The following LRRC46 variants were observed in gnomAD, a reference collection of about 807,000 sequenced individuals.
LRRC46 encodes leucine-rich repeat-containing protein 46.
Under a neutral mutation model 28.0 loss-of-function variants are expected in LRRC46, and 20 were observed. The ratio of observed to expected loss-of-function variants is 0.71; its 90% CI spans 0.50 to 1.04. LRRC46 has a LOEUF of 1.04. Ranked by LOEUF, LRRC46 falls within the 50% of genes least tolerant of loss-of-function variation. LRRC46 has a pLI of 0.00. For synonymous variants in LRRC46, 156 were observed against 158.8 expected (o/e 0.98, Z 0.13); for missense variants, 315 against 390.1 (o/e 0.81, Z 1.62).
chr17:47,837,455 C>A lies in LRRC46; in HGVS notation c.*335C>A, dbSNP rs2143614754. 2.4e-6 allele frequency: 1 copy of A among 410,076 alleles called. No homozygotes were observed. The highest frequency in any genetic ancestry group is 2.9e-5 in the South Asian group (1 of 34,930). The allele number at this position is 410,076 out of a possible 1,614,324, so 25.4% of individuals were successfully genotyped here. A position where few individuals can be genotyped will look rare whatever the true frequency, so the allele number is the denominator to read the frequency against. ...ATGGAAGAGGCATGCCATCTCACTG[C>A]CACCCCTAGCGAGTGCCCTTCCCCG... On this transcript the variant is annotated 3_prime_UTR_variant, in exon 8 of 8. Coordinates refer to ENST00000269025, the MANE Select transcript of LRRC46 (RefSeq NM_033413.4).
intron 4 of LRRC46, 117 bp from the exon 5 acceptor site, chr17:47,835,549 T>A (rs2033684092): frequency 7.5e-7 from 1 of 1,341,524 alleles, no homozygotes; most frequent in South Asian, 1.2e-5. Context: ...GAAGGCCATG[T>A]GTCCCCACTG....
rs747873738 is a variant in LRRC46 at position 47,835,783 on chromosome 17, C to T, written c.382+8C>T. 9.3e-6 allele frequency: 15 copies of T among 1,609,926 alleles called. No homozygotes were observed. Among genetic ancestry groups the T allele is most frequent in the Non-Finnish European group, 9.4e-6 (11 of 1,176,256 alleles). On this transcript the variant is annotated splice_region_variant and intron_variant, in intron 5 of 7. Coordinates refer to ENST00000269025, the MANE Select transcript of LRRC46 (RefSeq NM_033413.4). ...TAGAAACATTGAAGCTGGGTAGGAA[C>T]CCACTCGCCCTGGCTCACCAAACAC... is the stretch of plus-strand genomic sequence containing the variant.
chr17:47,836,815 A>T lies in LRRC46; in HGVS notation c.661A>T (p.Thr221Ser). The change falls in exon 8 of 8, where the codon ACA (threonine) becomes TCA (serine). Residue 221 changes from threonine to serine, a missense_variant. Transcript: ENST00000269025. The surrounding 1 kb of genome is among the most constrained non-coding windows in gnomAD (Gnocchi z 5.8). ...HREHRQQTAL[T>S]EHLLRMEMQP... ...GGAGCACCGGCAACAGACGGCCCTG[A>T]CAGAGCACCTGCTGAGGATGGAGAT... 1 of 1,613,930 alleles carries T rather than the reference A, an allele frequency of 6.2e-7. No homozygotes were observed. Among genetic ancestry groups the T allele is most frequent in the South Asian group, 1.1e-5 (1 of 91,066 alleles).
Position 47,834,411 on chromosome 17 carries a change from G to T in LRRC46, c.117-14G>T. ...GTGGTGCTCTAACACCACCCTTACT[G>T]ACTCTTTTCCCAGGTTTCACACTCT... On this transcript the variant is annotated splice_polypyrimidine_tract_variant and intron_variant, in intron 2 of 7. Coordinates refer to ENST00000269025, the MANE Select transcript of LRRC46 (RefSeq NM_033413.4). The T allele has an allele frequency of 1.9e-6, 3 of 1,590,730 alleles. No homozygotes were observed. Among genetic ancestry groups the T allele is most frequent in the South Asian group, 1.1e-5 (1 of 89,968 alleles).
chr17:47,836,194 G>C lies in LRRC46; in HGVS notation c.452+92G>C. ...TCTCAGCCTGCAAACCTGGGGTCCT[G>C]TCCATGACACCTTCTCCCCCACCTC... On this transcript the variant is annotated intron_variant, in intron 6 of 7. Transcript: ENST00000269025. The surrounding 1 kb of genome is among the most constrained non-coding windows in gnomAD (Gnocchi z 5.8). The C allele has an allele frequency of 1.9e-6, 3 of 1,576,370 alleles. No individual in the cohort carries two copies. Among genetic ancestry groups the C allele is most frequent in the Non-Finnish European group, 2.6e-6 (3 of 1,147,478 alleles).
Position 47,836,866 on chromosome 17 carries a change from C to T in LRRC46, c.712C>T (p.Leu238=). 3.7e-6 allele frequency: 6 copies of T among 1,613,986 alleles called. No homozygotes were observed. Among genetic ancestry groups the T allele is most frequent in the Non-Finnish European group, 5.1e-6 (6 of 1,180,002 alleles). ...GCAGCCCACCCTCACCGACCTGCCC[C>T]TGCTACCTGGGGTGCCCATGGCTGG... The part of the protein sequence containing the change: ...EMQPTLTDLP[L]LPGVPMAGDS... The change falls in exon 8 of 8, where the codon CTG becomes TTG. Residue 238 remains leucine, a synonymous_variant. Transcript: ENST00000269025. This position sits in a 1 kb window ranked among gnomAD's most constrained non-coding sequence, Gnocchi z 5.8.
rs2033637499 is a variant in LRRC46, at chr17:47,831,857, C to T, written c.-133C>T. The stretch of plus-strand genomic sequence containing the variant: ...CCAGCAATTTTCTCTGAATCAACCC[C>T]CTTTCCTCCTCTCCTAAGTCTCTGA... On this transcript the variant is annotated 5_prime_UTR_variant, in exon 1 of 8. Coordinates refer to ENST00000269025, the MANE Select transcript of LRRC46 (RefSeq NM_033413.4). 2.5e-6 allele frequency: 3 copies of T among 1,185,782 alleles called. No homozygotes were observed. Among genetic ancestry groups the T allele is most frequent in the African/African-American group, 1.5e-5 (1 of 65,428 alleles). The allele number at this position is 1,185,782 out of a possible 1,614,324, so 73.5% of individuals were successfully genotyped here. A position where few individuals can be genotyped will look rare whatever the true frequency, so the allele number is the denominator to read the frequency against.
intron 2 of LRRC46, 93 bp downstream of exon 2, chr17:47,832,298 G>C: frequency 1.1e-6 from 1 of 871,304 alleles, no homozygotes; most frequent in Admixed American, 2.9e-5. Flanking sequence ...ACTGATCTTT[G>C]TTTCTCTCCT....
chr17:47,835,811 C>G (rs2033687618), intron 5 of LRRC46, 36 bp downstream of exon 5: 2 of 1,564,574 alleles, frequency 1.3e-6, no homozygotes, highest in Non-Finnish European at 8.8e-7. Flanking sequence ...CCAAACACAT[C>G]CCCTGTGGGG....
rs747588861 is a variant in LRRC46 at position 47,832,164 on chromosome 17, G to A, written c.75G>A (p.Arg25=). ...TCACTGAAGCCCTTATCACTAAGCGGAACTTGACTTTCCCTGAAGATGGGG... is the reference window on the plus strand; with the variant it reads ...TCACTGAAGCCCTTATCACTAAGCGAAACTTGACTTTCCCTGAAGATGGGG... The part of the protein sequence containing the change: ...VCITEALITK[R]NLTFPEDGEL... Residue 25 remains arginine (R), a synonymous_variant, in exon 2 of 8, where the codon CGG becomes CGA. Coordinates refer to ENST00000269025, the MANE Select transcript of LRRC46 (RefSeq NM_033413.4). 10 of 1,602,978 alleles carry A rather than the reference G, an allele frequency of 6.2e-6. No homozygotes were observed. In the East Asian group the frequency reaches 1.3e-4, roughly 22 times the overall value.
In LRRC46 at chr17:47,831,932, C is replaced by T; in HGVS notation, c.-58C>T. 1.2e-6 allele frequency: 2 copies of T among 1,611,708 alleles called. No individual in the cohort carries two copies. Among genetic ancestry groups the T allele is most frequent in the East Asian group, 4.5e-5 (2 of 44,890 alleles). On this transcript the variant is annotated 5_prime_UTR_variant, in exon 1 of 8. Coordinates refer to ENST00000269025, the MANE Select transcript of LRRC46 (RefSeq NM_033413.4). ...GAGTTCTGCCATCCTTAGGGGCCGC[C>T]AAGACCTCTCTTTTCGTTCCTCTCC...
Position 47,837,666 on chromosome 17 carries a change from GGTCCTGGGATAAA to G in LRRC46, c.*549_*561del, listed in dbSNP as rs372701620. 426 of 808,522 alleles carry G rather than the reference GGTCCTGGGATAAA, an allele frequency of 5.3e-4. 2 individuals carry two copies. The African/African-American group carries it at 6.8e-3, about 13-fold the overall frequency. 50.1% of individuals were successfully genotyped at this position (808,522 alleles called of 1,614,324 possible). ...CTCACTTGGCTCTCCCACCCCCACT[GGTCCTGGGATAAA>G]GTTCACTGAAGAGAAAATAAAGCAC... is the stretch of plus-strand genomic sequence containing the variant. On this transcript the variant is annotated 3_prime_UTR_variant, in exon 8 of 8. Coordinates refer to ENST00000269025, the MANE Select transcript of LRRC46 (RefSeq NM_033413.4).
chr17:47,832,001 T>G lies in LRRC46; in HGVS notation c.10+2T>G. The G allele has an allele frequency of 2.5e-6, 4 of 1,613,028 alleles. 1 individual carries two copies. Among genetic ancestry groups the G allele is most frequent in the Non-Finnish European group, 3.4e-6 (4 of 1,179,896 alleles). ...TTTTATTTTAGATCATGTCTGGAGG[T>G]GAGTAGGGAGGTGGGACGGTGGGTA... On this transcript the variant is annotated splice_donor_variant, in intron 1 of 7. Coordinates refer to ENST00000269025, the MANE Select transcript of LRRC46 (RefSeq NM_033413.4). LOFTEE classifies it high-confidence loss of function.
rs929364258 is a variant in LRRC46, at chr17:47,837,650, C to T, written c.*530C>T. ...ACAGCTGCCTTTGGGCCTCACTTGG[C>T]TCTCCCACCCCCACTGGTCCTGGGA... On this transcript the variant is annotated 3_prime_UTR_variant, in exon 8 of 8. Coordinates refer to ENST00000269025, the MANE Select transcript of LRRC46 (RefSeq NM_033413.4). 1.4e-5 allele frequency: 10 copies of T among 709,754 alleles called. No homozygotes were observed. The highest frequency in any genetic ancestry group is 2.2e-5 in the Non-Finnish European group (10 of 461,782). 44.0% of individuals were successfully genotyped at this position (709,754 alleles called of 1,614,324 possible).
chr17:47,837,459 C>A lies in LRRC46; in HGVS notation c.*339C>A, dbSNP rs1161997705. 1 of 409,744 alleles carries A rather than the reference C, an allele frequency of 2.4e-6. No homozygotes were observed. The highest frequency in any genetic ancestry group is 2.1e-5 in the African/African-American group (1 of 47,188). 25.4% of individuals were successfully genotyped at this position (409,744 alleles called of 1,614,324 possible). ...AAGAGGCATGCCATCTCACTGCCAC[C>A]CCTAGCGAGTGCCCTTCCCCGGTCC... On this transcript the variant is annotated 3_prime_UTR_variant, in exon 8 of 8. Coordinates refer to ENST00000269025, the MANE Select transcript of LRRC46 (RefSeq NM_033413.4).
Position 47,836,076 on chromosome 17 carries a change from C to T in LRRC46, c.426C>T (p.Asn142=). The T allele has an allele frequency of 1.2e-6, 2 of 1,614,192 alleles. No individual in the cohort carries two copies. The highest frequency in any genetic ancestry group is 1.3e-5 in the African/African-American group (1 of 75,046). ...TTCTCATCCTCAACCTGTCTGGAAACAGCTGCACCAACCAGGATGGCTACC... is the reference window on the plus strand; with the variant it reads ...TTCTCATCCTCAACCTGTCTGGAAATAGCTGCACCAACCAGGATGGCTACC... ...QSLLILNLSG[N]SCTNQDGYRE... Residue 142 remains asparagine, a synonymous_variant, in exon 6 of 8, where the codon AAC becomes AAT. Transcript: ENST00000269025. The surrounding 1 kb of genome is among the most constrained non-coding windows in gnomAD (Gnocchi z 5.8).
chr17:47,833,980 T>C, intron 2 of LRRC46: 1 of 986,202 alleles, frequency 1.0e-6, no homozygotes, highest in Non-Finnish European at 1.2e-6. Flanking sequence ...CACTCAGCAA[T>C]GTTGTGGAAT....
rs758087975 is a variant in LRRC46, at chr17:47,836,946, C to T, written c.792C>T (p.Ala264=). ...AAGGGGAGGAGACAGTCCCTGAGGC[C>T]GTCTCCTCACCCCAGGCCTCCTCTC... is the stretch of plus-strand genomic sequence containing the variant. ...PAQGEETVPE[A]VSSPQASSPT... is the part of the protein sequence containing the mutation. The change falls in exon 8 of 8, where the codon GCC becomes GCT. Residue 264 remains alanine (A), a synonymous_variant. Coordinates refer to ENST00000269025, the MANE Select transcript of LRRC46 (RefSeq NM_033413.4). The surrounding 1 kb of genome is among the most constrained non-coding windows in gnomAD (Gnocchi z 5.8). 16 of 1,613,732 alleles carry T rather than the reference C, an allele frequency of 9.9e-6. No individual in the cohort carries two copies. In the Admixed American group the frequency reaches 1.0e-4, roughly 10 times the overall value.
At chr17:47,835,984 G>T in intron 5 of LRRC46, 49 bp from the exon 6 acceptor site, 1 of 1,597,194 alleles carries the variant, frequency 6.3e-7, no homozygotes, top group South Asian at 1.1e-5. Context: ...ATGGTCTTTT[G>T]GCTAAGATCA....
Sources: gnomAD v4.1 joint callset for allele counts on GRCh38, gnomAD v4.1.1 for gene constraint, Gnocchi (gnomAD v3.1) non-coding constraint, MANE v1.5 for transcripts, NCBI Gene and HGNC (gene_info 2026-07-23, HGNC 2026-07-21) for gene names.